Variants in NIPBL observed in about 807,000 individuals in gnomAD.
NIPBL encodes NIPBL cohesin loading factor, also known as nipped-B-like protein.
A neutral mutation model predicts 321.8 loss-of-function variants in NIPBL; 19 were observed. That is an observed-to-expected ratio of 0.06 (90% CI 0.04 to 0.09). The LOEUF (loss-of-function observed/expected upper bound fraction) is 0.09, where lower values mean the gene tolerates loss of function less well. Among genes scored for constraint, NIPBL ranks in the 10% least tolerant of loss-of-function variants. The pLI is 1.00. For missense variants in NIPBL, 2,210 were observed against 3,327.0 expected, an observed-to-expected ratio of 0.66 and a Z score of 8.26; for synonymous variants, 1,106 against 1,114.1, an observed-to-expected ratio of 0.99 and a Z score of 0.14.
chr5:36,967,361 T>C (rs1742320140), intron 6 of NIPBL, among the ~76,000 whole-genome samples: 1 of 152,148 alleles, frequency 6.6e-6, no homozygotes, highest in Non-Finnish European at 1.5e-5. Context: ...AAAATTCATA[T>C]ACCTCACTCA....
intron 1 of NIPBL, among the ~76,000 whole-genome samples, chr5:36,907,335 T>C (rs990644041): frequency 1.3e-5 from 2 of 152,204 alleles, no homozygotes; most frequent in Non-Finnish European, 2.9e-5. Context: ...ATATATTTTT[T>C]CTCACTTAAT....
At chr5:37,025,704 G>T (rs1750185431) in intron 30 of NIPBL, among the ~76,000 whole-genome samples, 1 of 152,048 alleles carries the variant, frequency 6.6e-6, no homozygotes, top group Non-Finnish European at 1.5e-5. Context: ...AGTGCTTGAG[G>T]CGATGGATAC....
chr5:37,003,156 A>G, intron 15 of NIPBL, 105 bp from the exon 16 acceptor site: 3 of 743,412 alleles, frequency 4.0e-6, no homozygotes, highest in Admixed American at 2.0e-5. Context: ...GAGGGTGACA[A>G]TGCTATTTCC....
chr5:36,904,456 C>G (rs1013783496), intron 1 of NIPBL, among the ~76,000 whole-genome samples: 1 of 152,132 alleles, frequency 6.6e-6, no homozygotes. Context: ...GTGACAAGAG[C>G]AAGATTTCCT....
intron 1 of NIPBL, among the ~76,000 whole-genome samples, chr5:36,950,397 C>T (rs1021459348): frequency 3.9e-5 from 6 of 151,926 alleles, no homozygotes; most frequent in Non-Finnish European, 5.9e-5. Context: ...TTATTTTATT[C>T]TCATCACCAC....
chr5:37,043,797 A>G (rs1752699976), intron 34 of NIPBL, among the ~76,000 whole-genome samples: 1 of 152,216 alleles, frequency 6.6e-6, no homozygotes, highest in African/African-American at 2.4e-5. Flanking sequence ...CACTATTGAC[A>G]GGACTAGATG....
At chr5:36,989,940 TTTG>T (rs750267900) in intron 10 of NIPBL, among the ~76,000 whole-genome samples, 11 of 151,978 alleles carry the variant, frequency 7.2e-5, no homozygotes, top group Admixed American at 2.6e-4. Flanking sequence ...CATATTTGAT[TTTG>T]TTGTTTTTTT....
intron 1 of NIPBL, among the ~76,000 whole-genome samples, chr5:36,944,885 T>C (rs1739493746): frequency 6.6e-6 from 1 of 152,196 alleles, no homozygotes; most frequent in Non-Finnish European, 1.5e-5. Flanking sequence ...TCATCACATA[T>C]GTTTTGGTCA....
At chr5:36,963,749 A>G (rs1008798887) in intron 6 of NIPBL, among the ~76,000 whole-genome samples, 2 of 152,146 alleles carry the variant, frequency 1.3e-5, no homozygotes, top group Admixed American at 6.5e-5. Flanking sequence ...TGATCACACC[A>G]TTGCAGTCCA....
chr5:37,041,833 G>T (rs927912527), intron 34 of NIPBL, among the ~76,000 whole-genome samples: 1 of 151,656 alleles, frequency 6.6e-6, no homozygotes, highest in Non-Finnish European at 1.5e-5. Context: ...CCAAAGAGCC[G>T]GGATTATAGG....
At chr5:36,950,759 C>T (rs1014644766) in intron 1 of NIPBL, among the ~76,000 whole-genome samples, 1 of 152,068 alleles carries the variant, frequency 6.6e-6, no homozygotes, top group Non-Finnish European at 1.5e-5. Context: ...CAGAGCCAAG[C>T]AGTCCAAAAC....
rs33935189 is a variant in NIPBL at position 36,942,432 on chromosome 5, TAAAAAAAAAAAA to T, written c.-79-11172_-79-11161del. ...GGGTGACAGAGTGAGACTCTGTCTT[TAAAAAAAAAAAA>T]AAAAAAAAAAAAAGGCCAGGTGCGG... On this transcript the variant is annotated intron_variant, in intron 1 of 46. Transcript: ENST00000282516. 8.4e-5 allele frequency among the ~76,000 whole-genome samples: 5 copies of T among 59,792 alleles called. No homozygotes were observed. In the East Asian group the frequency reaches 1.6e-3, roughly 19 times the overall value. The allele number at this position is 59,792 out of a possible 152,430, so 39.2% of individuals were successfully genotyped here.
chr5:36,903,487 A>G (rs1747390674), intron 1 of NIPBL, among the ~76,000 whole-genome samples: 1 of 152,112 alleles, frequency 6.6e-6, no homozygotes, highest in South Asian at 2.1e-4. Context: ...TATTGTAATT[A>G]TCTACTTCCT....
At position 37,046,165 on chromosome 5, in the gene NIPBL, T is replaced by G; in HGVS notation, c.6555T>G (p.Asp2185Glu). Residue 2185 changes from aspartate (D) to glutamate (E), a missense_variant, in exon 38 of 47, where the codon GAT becomes GAG. Physicochemically the swap from Asp to Glu is conservative, Grantham distance 45. Transcript: ENST00000282516. ...ELLMYFTKHSDEEVQTKAIIG... is the reference protein window; with the variant it reads ...ELLMYFTKHSEEEVQTKAIIG... ...TGATGTATTTTACAAAACACTCAGA[T>G]GAAGAAGTACAAACAAAAGCTATCA... The G allele has an allele frequency of 6.3e-7, 1 of 1,583,268 alleles. No homozygotes were observed.
intron 1 of NIPBL, among the ~76,000 whole-genome samples, chr5:36,896,067 T>A (rs974686712): frequency 2.5e-5 from 3 of 119,238 alleles, no homozygotes; most frequent in African/African-American, 8.9e-5. Context: ...TTTTAGCACT[T>A]ACATTTAATA....
intron 1 of NIPBL, among the ~76,000 whole-genome samples, chr5:36,942,018 C>G (rs1396769763): frequency 6.6e-6 from 1 of 152,128 alleles, no homozygotes; most frequent in Non-Finnish European, 1.5e-5. Context: ...TAATGAGTCA[C>G]AAGTCACTTT....
At chr5:36,961,968 T>C (rs1015296942) in intron 5 of NIPBL, among the ~76,000 whole-genome samples, 155 bp from the exon 6 acceptor site, 12 of 152,244 alleles carry the variant, frequency 7.9e-5, no homozygotes, top group African/African-American at 2.9e-4. Flanking sequence ...GAACAATTTT[T>C]GTATGTTATT....
intron 16 of NIPBL, among the ~76,000 whole-genome samples, chr5:37,005,278 T>C (rs1455190139): frequency 6.6e-6 from 1 of 152,196 alleles, no homozygotes; most frequent in African/African-American, 2.4e-5. Flanking sequence ...CTTTACTTTT[T>C]GCATCACAGA....
At chr5:36,896,734 G>A (rs1746771249) in intron 1 of NIPBL, among the ~76,000 whole-genome samples, 1 of 152,088 alleles carries the variant, frequency 6.6e-6, no homozygotes, top group Non-Finnish European at 1.5e-5. Context: ...GAGTAGCTGG[G>A]ATTACAGTCC....
Sources: gnomAD v4.1 joint callset for allele counts (sites outside exome capture counted in the v4.1 genomes callset) on GRCh38, gnomAD v4.1.1 for gene constraint, MANE v1.5 for transcripts, NCBI Gene and HGNC (gene_info 2026-07-23, HGNC 2026-07-21) for gene names.